KCNIP1: variants seen among roughly 807,000 people sequenced by gnomAD.
KCNIP1 encodes the protein A-type potassium channel modulatory protein KCNIP1.
In KCNIP1, 18 loss-of-function variants were observed where a neutral mutation model predicts 33.0. That is an observed-to-expected ratio of 0.55 (90% CI 0.38 to 0.81). KCNIP1 has a LOEUF of 0.81. Ranked by LOEUF, KCNIP1 falls within the 30% of genes least tolerant of loss-of-function variation. KCNIP1 has a pLI of 0.00. For synonymous variants in KCNIP1, 93 were observed against 98.3 expected (o/e 0.95, Z 0.32); for missense variants, 238 against 271.6 (o/e 0.88, Z 0.87).
chr5:170,433,825 G>A (rs1272221867), intron 1 of KCNIP1, among the ~76,000 whole-genome samples: 1 of 152,164 alleles, frequency 6.6e-6, no homozygotes, highest in Non-Finnish European at 1.5e-5. Flanking sequence ...AGGACGTTGA[G>A]GCTCAGAACA....
Position 170,504,828 on chromosome 5 carries a change from G to A in KCNIP1, c.61+195G>A, listed in dbSNP as rs1255665353. Among the ~76,000 whole-genome samples, 2 of 152,166 alleles carry A rather than the reference G, an allele frequency of 1.3e-5. No homozygotes were observed. Among genetic ancestry groups the A allele is most frequent in the African/African-American group, 2.4e-5 (1 of 41,448 alleles). On this transcript the variant is annotated intron_variant, in intron 1 of 7. Coordinates refer to ENST00000328939, the MANE Select transcript of KCNIP1 (RefSeq NM_014592.4). This position sits in a 1 kb window ranked among gnomAD's most constrained non-coding sequence, Gnocchi z 6.0. ...CCCAGAGGAGGGAGCCGGAGTGGAC[G>A]TCTGCCCCAGCGGCAACTGGACCCC...
chr5:170,411,856 T>G (rs907168080), intron 1 of KCNIP1, among the ~76,000 whole-genome samples: 39 of 151,860 alleles, frequency 2.6e-4, no homozygotes, highest in African/African-American at 9.2e-4. Context: ...AGTGAGTAGG[T>G]GAGTGGAGGT....
intron 1 of KCNIP1, among the ~76,000 whole-genome samples, chr5:170,584,777 C>T (rs910335673): frequency 3.3e-5 from 5 of 152,248 alleles, no homozygotes; most frequent in African/African-American, 9.6e-5. Flanking sequence ...TTTTCAGCTC[C>T]AATCAGTGGC....
intron 1 of KCNIP1, among the ~76,000 whole-genome samples, chr5:170,628,082 T>C (rs1759908025): frequency 6.6e-6 from 1 of 152,208 alleles, no homozygotes; most frequent in South Asian, 2.1e-4. Flanking sequence ...CCTCTGGGAA[T>C]TCAGAGACGA....
At chr5:170,710,164 G>A (rs572722612) in intron 1 of KCNIP1, among the ~76,000 whole-genome samples, 126 of 152,322 alleles carry the variant, frequency 8.3e-4, no homozygotes, top group African/African-American at 2.9e-3. Context: ...ACTGTGCCTG[G>A]ACTGTGATTT....
intron 6 of KCNIP1, among the ~76,000 whole-genome samples, chr5:170,733,302 T>C (rs1170828689): frequency 6.6e-6 from 1 of 152,212 alleles, no homozygotes; most frequent in Non-Finnish European, 1.5e-5. Context: ...GGCCTTGCTC[T>C]GGTACAGGAT....
intron 3 of KCNIP1, 125 bp from the exon 4 acceptor site, chr5:170,721,708 T>G: frequency 6.2e-7 from 1 of 1,608,630 alleles, no homozygotes; most frequent in Non-Finnish European, 8.5e-7. Flanking sequence ...ACTCCATAAT[T>G]TTCTCCTTTC....
chr5:170,411,353 G>A (rs1012655816), intron 1 of KCNIP1, among the ~76,000 whole-genome samples: 1 of 152,242 alleles, frequency 6.6e-6, no homozygotes, highest in African/African-American at 2.4e-5. Flanking sequence ...CAGAGTCATG[G>A]TTCAAACCCA....
At chr5:170,656,259 A>C (rs1392313530) in intron 1 of KCNIP1, among the ~76,000 whole-genome samples, 1 of 152,256 alleles carries the variant, frequency 6.6e-6, no homozygotes, top group Non-Finnish European at 1.5e-5. Context: ...CAGTGCACAC[A>C]CTAAGTGTGC....
intron 1 of KCNIP1, among the ~76,000 whole-genome samples, chr5:170,553,527 C>G (rs1472307077): frequency 6.6e-6 from 1 of 152,214 alleles, no homozygotes; most frequent in East Asian, 1.9e-4. Context: ...ACCACCTGCT[C>G]TCGGTTGTTC....
Position 170,489,121 on chromosome 5 carries a change from C to T in KCNIP1, c.88+135157C>T, listed in dbSNP as rs562697651. On this transcript the variant is annotated intron_variant, in intron 1 of 7. Transcript: ENST00000377360. The surrounding 1 kb of genome is among the most constrained non-coding windows in gnomAD (Gnocchi z 4.3). ...GCCAGAGGGCAGGAGACCAGCCAGG[C>T]GGGGAGGCTGACCCAATGGCCCCGG... Among the ~76,000 whole-genome samples the T allele has an allele frequency of 3.3e-5, 5 of 152,104 alleles. No individual in the cohort carries two copies. Among genetic ancestry groups the T allele is most frequent in the Admixed American group, 1.3e-4 (2 of 15,272 alleles).
chr5:170,692,503 C>A (rs1762754603), intron 1 of KCNIP1, among the ~76,000 whole-genome samples: 1 of 152,212 alleles, frequency 6.6e-6, no homozygotes, highest in South Asian at 2.1e-4. Flanking sequence ...CAATACATTG[C>A]AACATTACAT....
intron 1 of KCNIP1, among the ~76,000 whole-genome samples, chr5:170,493,570 T>C (rs1757250985): frequency 1.3e-5 from 2 of 152,180 alleles, no homozygotes; most frequent in Admixed American, 1.3e-4. Flanking sequence ...GGTGAGCCCA[T>C]AGATGGGGTT....
intron 1 of KCNIP1, among the ~76,000 whole-genome samples, chr5:170,707,814 G>A (rs552018081): frequency 6.6e-6 from 1 of 151,696 alleles, no homozygotes; most frequent in African/African-American, 2.4e-5. Flanking sequence ...CCCTTTTTCA[G>A]GACACTTTCA....
Position 170,718,432 on chromosome 5 carries a change from T to C in KCNIP1, c.62-326T>C, listed in dbSNP as rs542540966. Among the ~76,000 whole-genome samples, 12 of 152,338 alleles carry C rather than the reference T, an allele frequency of 7.9e-5. No homozygotes were observed. In the East Asian group the frequency reaches 2.3e-3, roughly 29 times the overall value. ...TCTCTGGAATATTCAGAAGGTTCCA[T>C]GGGAAACAATTTGAATATGCAAAGA... On this transcript the variant is annotated intron_variant, in intron 1 of 7. Coordinates refer to ENST00000328939, the MANE Select transcript of KCNIP1 (RefSeq NM_014592.4).
At chr5:170,461,939 C>T (rs1004514706) in intron 1 of KCNIP1, among the ~76,000 whole-genome samples, 4 of 152,154 alleles carry the variant, frequency 2.6e-5, no homozygotes, top group Non-Finnish European at 5.9e-5. Flanking sequence ...GGATCCTCAT[C>T]TCTCACCTTA....
chr5:170,513,048 TTGG>T (rs1754998165), intron 1 of KCNIP1, among the ~76,000 whole-genome samples: 1 of 146,622 alleles, frequency 6.8e-6, no homozygotes, highest in Non-Finnish European at 1.5e-5. Flanking sequence ...AGACTCCATC[TTGG>T]AAAAAAAAAA....
At chr5:170,657,368 G>A (rs1224477404) in intron 1 of KCNIP1, among the ~76,000 whole-genome samples, 4 of 152,146 alleles carry the variant, frequency 2.6e-5, no homozygotes, top group East Asian at 3.9e-4. Flanking sequence ...ATGAGGGTGA[G>A]GAGGGGGCCA....
At chr5:170,370,737 T>C (rs986519519) in intron 1 of KCNIP1, among the ~76,000 whole-genome samples, 2 of 152,214 alleles carry the variant, frequency 1.3e-5, no homozygotes, top group African/African-American at 2.4e-5. Context: ...CCAGCATGGC[T>C]GAGAGGCTCC....
Sources: gnomAD v4.1 joint callset for allele counts (sites outside exome capture counted in the v4.1 genomes callset) on GRCh38, gnomAD v4.1.1 for gene constraint, Gnocchi (gnomAD v3.1) non-coding constraint, MANE v1.5 for transcripts, NCBI Gene and HGNC (gene_info 2026-07-23, HGNC 2026-07-21) for gene names.